ATXN7: variants seen among roughly 807,000 people sequenced by gnomAD.
ATXN7 encodes the protein ataxin-7.
A neutral mutation model predicts 70.5 loss-of-function variants in ATXN7; 12 were observed. The ratio of observed to expected loss-of-function variants is 0.17; its 90% CI spans 0.11 to 0.28. The LOEUF (loss-of-function observed/expected upper bound fraction) is 0.28. Among genes scored for constraint, ATXN7 ranks in the 10% least tolerant of loss-of-function variants. The probability of loss-of-function intolerance (pLI) is 1.00; values close to 1 mark genes in which losing one functional copy is unlikely to be tolerated. For synonymous variants in ATXN7, 498 were observed against 448.7 expected, an observed-to-expected ratio of 1.11 and a Z score of -1.39; for missense variants, 1,256 against 1,131.7, an observed-to-expected ratio of 1.11 and a Z score of -1.58.
intron 5 of ATXN7, among the ~76,000 whole-genome samples, chr3:63,972,512 G>A (rs906027784): frequency 2.0e-5 from 3 of 152,094 alleles, no homozygotes; most frequent in Non-Finnish European, 4.4e-5. Context: ...AAATATGTGG[G>A]TTTTACTTAG....
chr3:63,975,025 C>T (rs1467878842), intron 5 of ATXN7, among the ~76,000 whole-genome samples: 2 of 152,108 alleles, frequency 1.3e-5, no homozygotes, highest in African/African-American at 4.8e-5. Flanking sequence ...TCATTTCAGC[C>T]AGTTACAGTT....
chr3:63,966,860 A>G (rs2075232549), intron 5 of ATXN7, among the ~76,000 whole-genome samples: 2 of 152,226 alleles, frequency 1.3e-5, no homozygotes. Flanking sequence ...TTTGACATTT[A>G]AAAGAGTTCA....
At chr3:63,886,313 A>G (rs2107234567) in intron 1 of ATXN7, among the ~76,000 whole-genome samples, 1 of 152,286 alleles carries the variant, frequency 6.6e-6, no homozygotes, top group South Asian at 2.1e-4. Context: ...GTTAGGATGA[A>G]TGAGTTCTAG....
At chr3:63,952,329 A>G (rs1348231323) in intron 4 of ATXN7, 50 bp from the exon 5 acceptor site, 5 of 1,427,756 alleles carry the variant, frequency 3.5e-6, no homozygotes, top group Non-Finnish European at 1.9e-6. Flanking sequence ...AAATGGTTTT[A>G]TATCAGTCAG....
rs1422453087 is a variant in ATXN7, at chr3:63,990,195, C to G, written c.1381C>G (p.Gln461Glu). The change falls in exon 10 of 13, where the codon CAG becomes GAG. Residue 461 changes from glutamine (Q) to glutamate (E), a missense_variant. Coordinates refer to ENST00000674280, the MANE Select transcript of ATXN7 (RefSeq NM_001377405.1). ...SLPRPPGCPA[Q>E]QGGSAPIDPP... The stretch of plus-strand genomic sequence containing the variant: ...ACCAAGGCCTCCAGGCTGCCCTGCT[C>G]AGCAAGGTGGGAGTGCCCCCATTGA... 6.2e-6 allele frequency: 10 copies of G among 1,613,200 alleles called. No individual in the cohort carries two copies. The highest frequency in any genetic ancestry group is 6.8e-6 in the Non-Finnish European group (8 of 1,180,032).
chr3:63,903,386 CAAAAAAA>C (rs775558434), intron 2 of ATXN7, among the ~76,000 whole-genome samples: 10 of 49,588 alleles, frequency 2.0e-4, no homozygotes, highest in Non-Finnish European at 3.9e-4. Flanking sequence ...GACTCCGTCT[CAAAAAAA>C]AAAAAAAAAA....
In ATXN7 at chr3:63,990,539, G is replaced by T. The variant is rs897739791; in HGVS notation, c.1560+165G>T. ...CCCAGAGGCAGCACACACTCTGTAC[G>T]GGGGACATCTCGTGCTTTTTTCCCT... On this transcript the variant is annotated intron_variant, in intron 10 of 12. Coordinates refer to ENST00000674280, the MANE Select transcript of ATXN7 (RefSeq NM_001377405.1). 2.4e-5 allele frequency: 27 copies of T among 1,139,572 alleles called. No individual in the cohort carries two copies. The African/African-American group carries it at 3.6e-4, about 15-fold the overall frequency. 70.6% of individuals were successfully genotyped at this position (1,139,572 alleles called of 1,614,324 possible). A position where few individuals can be genotyped will look rare whatever the true frequency, so the allele number is the denominator to read the frequency against.
chr3:64,000,370 CT>C lies in ATXN7; in HGVS notation c.*907del, dbSNP rs3836530. On this transcript the variant is annotated 3_prime_UTR_variant, in exon 13 of 13. Transcript: ENST00000674280. ...CCAAAGAGATGAAATTTTCTTAATC[CT>C]TTTAAGTTTTCATAGTAAACAGTAT... The C allele has an allele frequency of 0.19, 28,414 of 152,250 alleles. 2,833 individuals carry two copies. Among genetic ancestry groups the C allele is most frequent in the African/African-American group, 0.25 (10,220 of 41,342 alleles). 9.4% of individuals were successfully genotyped at this position (152,250 alleles called of 1,614,324 possible). A position where few individuals can be genotyped will look rare whatever the true frequency, so the allele number is the denominator to read the frequency against.
At chr3:63,989,543 G>T (rs1046886848) in intron 9 of ATXN7, among the ~76,000 whole-genome samples, 2 of 151,242 alleles carry the variant, frequency 1.3e-5, no homozygotes, top group African/African-American at 4.9e-5. Flanking sequence ...AAATTGTGTC[G>T]TACTGAACAT....
At chr3:63,976,269 T>C (rs1175582146) in intron 5 of ATXN7, among the ~76,000 whole-genome samples, 1 of 152,168 alleles carries the variant, frequency 6.6e-6, no homozygotes, top group African/African-American at 2.4e-5. Context: ...TACAATAAAT[T>C]TGGTTTTTCC....
At chr3:63,863,626 G>A, upstream of ATXN7, 2 of 1,201,690 alleles carry the variant, frequency 1.7e-6, no homozygotes, top group Non-Finnish European at 2.1e-6. Flanking sequence ...CCGGGGCTCC[G>A]GGGAGAGGTC....
intron 1 of ATXN7, among the ~76,000 whole-genome samples, chr3:63,868,325 C>T (rs1291517410): frequency 1.3e-5 from 2 of 152,170 alleles, no homozygotes; most frequent in Non-Finnish European, 1.5e-5. Context: ...CTTGACTCTT[C>T]AGTTACTCAT....
rs368506531 is a variant in ATXN7 at position 63,996,162 on chromosome 3, C to T, written c.2340C>T (p.Pro780=). ...ATGACCAGTCAGGGAGGGGCCCCCCCACCGGGAGCCCTGCTGAATCCATCA... is the reference window on the plus strand; with the variant it reads ...ATGACCAGTCAGGGAGGGGCCCCCCTACCGGGAGCCCTGCTGAATCCATCA... ...VRHDQSGRGP[P]TGSPAESIKR... The change falls in exon 12 of 13, where the codon CCC becomes CCT. Residue 780 remains proline (P), a synonymous_variant. Coordinates refer to ENST00000674280, the MANE Select transcript of ATXN7 (RefSeq NM_001377405.1). 2 of 1,614,054 alleles carry T rather than the reference C, an allele frequency of 1.2e-6. No homozygotes were observed. Among genetic ancestry groups the T allele is most frequent in the Non-Finnish European group, 1.7e-6 (2 of 1,180,042 alleles).
At chr3:63,967,527 AT>A (rs2075246103) in intron 5 of ATXN7, among the ~76,000 whole-genome samples, 1 of 152,216 alleles carries the variant, frequency 6.6e-6, no homozygotes, top group African/African-American at 2.4e-5. Context: ...TAAATAAATC[AT>A]GTAAGTTTTG....
intron 1 of ATXN7, among the ~76,000 whole-genome samples, chr3:63,881,809 G>A (rs1702920447): frequency 6.6e-6 from 1 of 152,142 alleles, no homozygotes; most frequent in Admixed American, 6.6e-5. Context: ...GCATTCTACA[G>A]GGCTAAGAAC....
At chr3:63,908,245 C>T (rs1300091431) in intron 2 of ATXN7, among the ~76,000 whole-genome samples, 1 of 152,198 alleles carries the variant, frequency 6.6e-6, no homozygotes, top group African/African-American at 2.4e-5. Context: ...ACTGTTCTCC[C>T]TCTACTGGAA....
At chr3:63,863,454 C>G (rs564978103), upstream of ATXN7, 2 of 1,142,790 alleles carry the variant, frequency 1.8e-6, no homozygotes, top group South Asian at 4.4e-5. Context: ...TTCTAGCCGT[C>G]TCGGCCACCC....
intron 4 of ATXN7, among the ~76,000 whole-genome samples, chr3:63,917,736 C>T (rs143291960): frequency 6.6e-6 from 1 of 152,292 alleles, no homozygotes; most frequent in Non-Finnish European, 1.5e-5. Flanking sequence ...ATATTCAGCT[C>T]CTGCACACCA....
At position 63,886,610 on chromosome 3, in the gene ATXN7, A is replaced by G. The variant is rs148690616; in HGVS notation, c.-110-11789A>G. On this transcript the variant is annotated intron_variant, in intron 1 of 12. Transcript: ENST00000674280. The stretch of plus-strand genomic sequence containing the variant: ...ACATAAGAGGTTAACAATAGGGAAA[A>G]CCAGGTGTCAGGTTTACAGGAACTC... Among the ~76,000 whole-genome samples, 867 of 152,324 alleles carry G rather than the reference A, an allele frequency of 5.7e-3. 3 individuals carry two copies. The highest frequency in any genetic ancestry group is 7.4e-3 in the Non-Finnish European group (501 of 68,026).
Sources: allele counts gnomAD v4.1 joint callset (sites outside exome capture counted in the v4.1 genomes callset), GRCh38; gene constraint gnomAD v4.1.1; transcripts MANE v1.5; gene names NCBI Gene and HGNC (gene_info 2026-07-23, HGNC 2026-07-21).